Variants in YTHDF2 observed in about 807,000 individuals in gnomAD.
YTHDF2 encodes YTH N6-methyladenosine RNA binding protein F2.
In YTHDF2, 2 loss-of-function variants were observed where a neutral mutation model predicts 50.4. The ratio of observed to expected loss-of-function variants is 0.04; its 90% CI spans 0.02 to 0.12. YTHDF2 has a LOEUF of 0.12. Ranked by LOEUF, YTHDF2 falls within the 10% of genes least tolerant of loss-of-function variation. The probability of loss-of-function intolerance (pLI) is 1.00; values close to 1 mark genes in which losing one functional copy is unlikely to be tolerated. For synonymous variants in YTHDF2, 217 were observed against 255.6 expected (o/e 0.85, Z 1.44); for missense variants, 483 against 722.6 (o/e 0.67, Z 3.80).
chr1:28,764,661 C>T (rs1246806853), intron 4 of YTHDF2, among the ~76,000 whole-genome samples: 1 of 151,762 alleles, frequency 6.6e-6, no homozygotes, highest in Non-Finnish European at 1.5e-5. Context: ...CCCACCTCGG[C>T]CTCCCAAAGT....
intron 1 of YTHDF2, chr1:28,737,378 C>G: frequency 1.6e-6 from 1 of 626,100 alleles, no homozygotes; most frequent in South Asian, 2.2e-5. Flanking sequence ...GTTCCCTTCT[C>G]TCGGCGGGCC....
intron 4 of YTHDF2, among the ~76,000 whole-genome samples, chr1:28,763,536 A>G (rs188360164): frequency 4.6e-5 from 7 of 150,700 alleles, no homozygotes; most frequent in African/African-American, 1.7e-4. Context: ...GCTCAGTGCA[A>G]CCTCCACCAC....
chr1:28,738,144 C>G, intron 2 of YTHDF2, 115 bp from the exon 3 acceptor site: 2 of 781,726 alleles, frequency 2.6e-6, no homozygotes, highest in Non-Finnish European at 4.2e-6. Context: ...TTTTGAAGTT[C>G]AATCTTACGT....
At chr1:28,754,257 T>G (rs9426396) in intron 4 of YTHDF2, among the ~76,000 whole-genome samples, 94,881 of 152,086 alleles carry the variant, frequency 0.62, 31,056 homozygotes, top group African/African-American at 0.8. Context: ...GCTGGGTGAG[T>G]TGGCTCACGC....
intron 4 of YTHDF2, among the ~76,000 whole-genome samples, chr1:28,744,952 A>G (rs187040099): frequency 1.4e-4 from 21 of 152,356 alleles, no homozygotes; most frequent in African/African-American, 4.8e-4. Flanking sequence ...GGTGTGAGCC[A>G]CTGCAGCTGG....
intron 1 of YTHDF2, 137 bp from the exon 2 acceptor site, chr1:28,737,521 T>C: frequency 2.5e-6 from 3 of 1,210,790 alleles, no homozygotes; most frequent in South Asian, 1.5e-5. Context: ...TTTCAGCCTC[T>C]TCCTCACTAC....
In YTHDF2 at chr1:28,743,215, A is replaced by T. The variant is rs764095704; in HGVS notation, c.945A>T (p.Pro315=). The T allele has an allele frequency of 6.2e-7, 1 of 1,614,142 alleles. No individual in the cohort carries two copies. Among genetic ancestry groups the T allele is most frequent in the South Asian group, 1.1e-5 (1 of 91,082 alleles). The change falls in exon 4 of 5, where the codon CCA becomes CCT. Residue 315 remains proline (P), a synonymous_variant. Coordinates refer to ENST00000373812, the MANE Select transcript of YTHDF2 (RefSeq NM_016258.3). This position sits in a 1 kb window ranked among gnomAD's most constrained non-coding sequence, Gnocchi z 6.9. Reference sequence around the variant, plus strand: ...TAGGTCAGCAGGCTAACAATAGCCCACCAGTGGCTCAGGCATCAGTAGGGC... The same window carrying T: ...TAGGTCAGCAGGCTAACAATAGCCCTCCAGTGGCTCAGGCATCAGTAGGGC... The part of the protein sequence containing the change: ...QPVGQQANNS[P]PVAQASVGQQ...
chr1:28,757,732 AAAC>A (rs574919531), intron 4 of YTHDF2, among the ~76,000 whole-genome samples: 177 of 149,578 alleles, frequency 1.2e-3, no homozygotes, highest in Non-Finnish European at 2.2e-3. Flanking sequence ...AAAGCGTAGA[AAAC>A]AAAAGAAATC....
chr1:28,757,832 C>CT (rs779816151), intron 4 of YTHDF2, among the ~76,000 whole-genome samples: 6 of 152,046 alleles, frequency 3.9e-5, no homozygotes, highest in Admixed American at 1.3e-4. Flanking sequence ...TTATAATCAT[C>CT]TTGTATATAG....
intron 4 of YTHDF2, among the ~76,000 whole-genome samples, chr1:28,765,161 T>C (rs1327816730): frequency 6.6e-6 from 1 of 151,890 alleles, no homozygotes; most frequent in East Asian, 1.9e-4. Flanking sequence ...GCCAGCATGC[T>C]GGCTAATATT....
chr1:28,746,595 A>C (rs1229093476), intron 4 of YTHDF2, among the ~76,000 whole-genome samples: 67 of 49,554 alleles, frequency 1.4e-3, no homozygotes, highest in African/African-American at 3.6e-3. Flanking sequence ...AAATACTACA[A>C]AAAAAAAAAA....
chr1:28,763,252 C>T (rs891979895), intron 4 of YTHDF2, among the ~76,000 whole-genome samples: 2 of 152,028 alleles, frequency 1.3e-5, no homozygotes, highest in Admixed American at 1.3e-4. Flanking sequence ...CTTGTAGTTT[C>T]CTAATTTATT....
rs372422534 is a variant in YTHDF2 at position 28,743,408 on chromosome 1, T to A, written c.1138T>A (p.Ser380Thr). ...GVGQSQAGSG[S>T]TPSEPHPVLE... Reference sequence around the variant, plus strand: ...AGGACAGTCTCAGGCTGGTTCTGGATCTACTCCTTCAGAACCCCACCCAGT... The same window carrying A: ...AGGACAGTCTCAGGCTGGTTCTGGAACTACTCCTTCAGAACCCCACCCAGT... Residue 380 changes from serine to threonine, a missense_variant, in exon 4 of 5, where the codon TCT becomes ACT. Physicochemically the swap from Ser to Thr is moderately conservative, Grantham distance 58. Around this residue, in one of 4 missense-constraint regions of YTHDF2, gnomAD observed 385 missense variants for 475.8 expected, o/e 0.81. Coordinates refer to ENST00000373812, the MANE Select transcript of YTHDF2 (RefSeq NM_016258.3). The surrounding 1 kb of genome is among the most constrained non-coding windows in gnomAD (Gnocchi z 6.9). 1.2e-5 allele frequency: 19 copies of A among 1,614,068 alleles called. No homozygotes were observed. The highest frequency in any genetic ancestry group is 1.6e-5 in the Non-Finnish European group (19 of 1,180,048).
intron 4 of YTHDF2, among the ~76,000 whole-genome samples, chr1:28,749,635 A>T (rs547224511): frequency 2.6e-4 from 39 of 152,306 alleles, no homozygotes; most frequent in African/African-American, 8.2e-4. Flanking sequence ...AAATGAGGGA[A>T]GTAGTCAAGA....
intron 4 of YTHDF2, among the ~76,000 whole-genome samples, chr1:28,744,718 G>GAGTGC (rs1557541989): frequency 6.6e-6 from 1 of 152,140 alleles, no homozygotes; most frequent in Non-Finnish European, 1.5e-5. Context: ...GCCCAGGCTG[G>GAGTGC]AGTGCAGTGG....
chr1:28,738,785 A>G (rs551414459), intron 3 of YTHDF2, among the ~76,000 whole-genome samples: 13 of 152,312 alleles, frequency 8.5e-5, no homozygotes, highest in African/African-American at 3.1e-4. Flanking sequence ...GCCCTCTATC[A>G]GGAAATCCCA....
chr1:28,747,036 G>A lies in YTHDF2; in HGVS notation c.1716+3050G>A, dbSNP rs557265089. On this transcript the variant is annotated intron_variant, in intron 4 of 4. Coordinates refer to ENST00000373812, the MANE Select transcript of YTHDF2 (RefSeq NM_016258.3). ...GGCGGAGGTTGCAGTGAGCTGAGAT[G>A]GTGCCATTGCACTCCAGCCTAGGCA... is the stretch of plus-strand genomic sequence containing the variant. Among the ~76,000 whole-genome samples, 253 of 151,888 alleles carry A rather than the reference G, an allele frequency of 1.7e-3. 2 individuals are homozygous for A. In the Middle Eastern group the frequency reaches 0.017, roughly 10 times the overall value.
chr1:28,769,236 TG>T lies in YTHDF2; in HGVS notation c.*285del, dbSNP rs2088268505. The T allele has an allele frequency of 1.5e-5, 4 of 262,548 alleles. No individual in the cohort carries two copies. The highest frequency in any genetic ancestry group is 2.2e-5 in the African/African-American group (1 of 45,226). 16.3% of individuals were successfully genotyped at this position (262,548 alleles called of 1,614,324 possible). A position where few individuals can be genotyped will look rare whatever the true frequency, so the allele number is the denominator to read the frequency against. On this transcript the variant is annotated 3_prime_UTR_variant, in exon 5 of 5. Coordinates refer to ENST00000373812, the MANE Select transcript of YTHDF2 (RefSeq NM_016258.3). ...GTTGTGATTTCAGAGCATAATGCTA[TG>T]TTTTTTTGTCTTTTTACTATGTTTT...
At chr1:28,766,970 C>G (rs556689013) in intron 4 of YTHDF2, among the ~76,000 whole-genome samples, 28 of 151,690 alleles carry the variant, frequency 1.8e-4, no homozygotes, top group Non-Finnish European at 3.7e-4. Context: ...TAGCTGGGAC[C>G]ACAGGCACAT....
Sources: allele counts gnomAD v4.1 joint callset (sites outside exome capture counted in the v4.1 genomes callset), GRCh38; gene constraint gnomAD v4.1.1; regional missense constraint gnomAD v4.1.1; non-coding constraint Gnocchi (gnomAD v3.1); transcripts MANE v1.5; gene names NCBI Gene and HGNC (gene_info 2026-07-23, HGNC 2026-07-21).